CHCHD3: variants seen among roughly 807,000 people sequenced by gnomAD.
The protein encoded by CHCHD3 is MICOS complex subunit MIC19.
In CHCHD3, 20 loss-of-function variants were observed where a neutral mutation model predicts 38.2. The ratio of observed to expected loss-of-function variants is 0.52; its 90% CI spans 0.37 to 0.76. The LOEUF is 0.76. Ranked by LOEUF, CHCHD3 falls within the 30% of genes least tolerant of loss-of-function variation. CHCHD3 has a pLI of 0.00. For missense variants in CHCHD3, 245 were observed against 279.2 expected (o/e 0.88, Z 0.87); for synonymous variants, 82 against 100.0 (o/e 0.82, Z 1.07).
At chr7:132,936,028 C>T (rs544382022) in intron 4 of CHCHD3, among the ~76,000 whole-genome samples, 5 of 152,290 alleles carry the variant, frequency 3.3e-5, no homozygotes, top group African/African-American at 9.6e-5. Flanking sequence ...AATCCATTCA[C>T]GAGTGCACTG....
chr7:133,007,496 T>G (rs1312732319), intron 3 of CHCHD3, among the ~76,000 whole-genome samples: 2 of 152,220 alleles, frequency 1.3e-5, no homozygotes, highest in Non-Finnish European at 1.5e-5. Flanking sequence ...AGCAAGCAGG[T>G]CAGTGTCCAG....
At chr7:132,904,592 C>T (rs907410644) in intron 4 of CHCHD3, among the ~76,000 whole-genome samples, 1 of 152,174 alleles carries the variant, frequency 6.6e-6, no homozygotes, top group Non-Finnish European at 1.5e-5. Flanking sequence ...CAGGAAACAA[C>T]AGGTGCTGGA....
chr7:132,878,766 G>T (rs1352262102), intron 5 of CHCHD3, among the ~76,000 whole-genome samples: 1 of 152,264 alleles, frequency 6.6e-6, no homozygotes, highest in African/African-American at 2.4e-5. Flanking sequence ...TTCTGCCTTC[G>T]TGGAACTTCT....
At position 133,066,926 on chromosome 7, in the gene CHCHD3, T is replaced by C. The variant is rs1814686511; in HGVS notation, c.169+3216A>G. Among the ~76,000 whole-genome samples, 3 of 152,234 alleles carry C rather than the reference T, an allele frequency of 2.0e-5. No individual in the cohort carries two copies. The South Asian group carries it at 6.2e-4, about 31-fold the overall frequency. Reference sequence around the variant, plus strand: ...GCTCCTTCATTCCAACTAGTTTCTATCACGTCCTTTCTAAAGCAAGATGTC... The same window carrying C: ...GCTCCTTCATTCCAACTAGTTTCTACCACGTCCTTTCTAAAGCAAGATGTC... On this transcript the variant is annotated intron_variant, in intron 2 of 7. Transcript: ENST00000262570.
At chr7:132,800,698 A>G (rs956954093) in intron 6 of CHCHD3, among the ~76,000 whole-genome samples, 1 of 152,282 alleles carries the variant, frequency 6.6e-6, no homozygotes, top group African/African-American at 2.4e-5. Flanking sequence ...TAGGCATGCA[A>G]AGAAAGGATC....
chr7:132,957,694 T>C (rs1562921048), intron 4 of CHCHD3, among the ~76,000 whole-genome samples: 1 of 152,134 alleles, frequency 6.6e-6, no homozygotes, highest in Non-Finnish European at 1.5e-5. Context: ...TTGGTCAGGC[T>C]GTCTCAAGCT....
chr7:132,821,236 C>T (rs1054817679), intron 6 of CHCHD3, among the ~76,000 whole-genome samples: 2 of 152,096 alleles, frequency 1.3e-5, no homozygotes, highest in Non-Finnish European at 2.9e-5. Context: ...GCTCACTATT[C>T]ACTGCTTAGG....
chr7:133,034,032 T>A (rs1039685625), intron 2 of CHCHD3, among the ~76,000 whole-genome samples: 22 of 152,212 alleles, frequency 1.4e-4, no homozygotes, highest in African/African-American at 5.3e-4. Context: ...GTTTTCATTA[T>A]TTAGCATTCA....
At chr7:132,830,047 T>C (rs972042579) in intron 6 of CHCHD3, among the ~76,000 whole-genome samples, 10 of 152,070 alleles carry the variant, frequency 6.6e-5, no homozygotes, top group African/African-American at 2.4e-4. Context: ...TCTTAGAAAA[T>C]AGTATTTAGA....
intron 6 of CHCHD3, among the ~76,000 whole-genome samples, chr7:132,798,427 C>CTTTTAAGA (rs1563238346): frequency 6.6e-6 from 1 of 151,960 alleles, no homozygotes; most frequent in Non-Finnish European, 1.5e-5. Context: ...AGGAATCAGC[C>CTTTTAAGA]GTGCTTCAAA....
chr7:133,062,264 C>T (rs1404367385), intron 2 of CHCHD3, among the ~76,000 whole-genome samples: 1 of 152,062 alleles, frequency 6.6e-6, no homozygotes, highest in East Asian at 1.9e-4. Flanking sequence ...TTGGGCCATC[C>T]AGATGATGCT....
At chr7:132,935,137 C>T (rs1312436417) in intron 4 of CHCHD3, among the ~76,000 whole-genome samples, 2 of 152,194 alleles carry the variant, frequency 1.3e-5, no homozygotes, top group Non-Finnish European at 2.9e-5. Flanking sequence ...GCCTCAGAAT[C>T]CAATCACTCA....
intron 6 of CHCHD3, among the ~76,000 whole-genome samples, chr7:132,834,947 C>CATTTATTTATTTATTT (rs71529781): frequency 7.5e-5 from 11 of 147,388 alleles, no homozygotes; most frequent in South Asian, 6.7e-4. Flanking sequence ...TTTTTCCTCT[C>CATTTATTTATTTATTT]ATTTATTTAT....
chr7:132,855,922 T>G (rs1253115059), intron 5 of CHCHD3, among the ~76,000 whole-genome samples: 2 of 151,526 alleles, frequency 1.3e-5, no homozygotes, highest in Non-Finnish European at 2.9e-5. Context: ...GAGAAAAAGA[T>G]AGCTATAGAG....
chr7:132,991,564 C>G (rs945727996), intron 3 of CHCHD3, among the ~76,000 whole-genome samples: 1 of 152,084 alleles, frequency 6.6e-6, no homozygotes, highest in African/African-American at 2.4e-5. Flanking sequence ...ATACCCTCCC[C>G]CAACTCCCAC....
intron 3 of CHCHD3, among the ~76,000 whole-genome samples, chr7:133,009,781 T>TA (rs1681725286): frequency 6.6e-6 from 1 of 152,312 alleles, no homozygotes; most frequent in Non-Finnish European, 1.5e-5. Context: ...CAGTCTCATG[T>TA]AAAATGTAAG....
intron 7 of CHCHD3, among the ~76,000 whole-genome samples, chr7:132,794,478 C>G (rs1309430213): frequency 1.3e-5 from 2 of 152,188 alleles, no homozygotes; most frequent in African/African-American, 4.8e-5. Context: ...ATCCTAACTA[C>G]TGCCGAAATG....
At chr7:132,835,052 C>A (rs1481770496) in intron 6 of CHCHD3, among the ~76,000 whole-genome samples, 1 of 151,660 alleles carries the variant, frequency 6.6e-6, no homozygotes, top group African/African-American at 2.4e-5. Context: ...CTCACTGCAA[C>A]CTTTGCCTCC....
At chr7:132,976,214 G>A (rs1370617048) in intron 3 of CHCHD3, among the ~76,000 whole-genome samples, 2 of 129,198 alleles carry the variant, frequency 1.5e-5, no homozygotes, top group Non-Finnish European at 3.7e-5. Context: ...TCAACTGCAG[G>A]GCTCCTCACT....
Sources: gnomAD v4.1 joint callset for allele counts (sites outside exome capture counted in the v4.1 genomes callset) on GRCh38, gnomAD v4.1.1 for gene constraint, MANE v1.5 for transcripts, NCBI Gene and HGNC (gene_info 2026-07-23, HGNC 2026-07-21) for gene names.